MET: variants seen among roughly 807,000 people sequenced by gnomAD.
MET encodes the protein hepatocyte growth factor receptor.
A neutral mutation model predicts 133.1 loss-of-function variants in MET; 48 were observed. The ratio of observed to expected loss-of-function variants is 0.36; its 90% CI spans 0.29 to 0.46. The LOEUF (loss-of-function observed/expected upper bound fraction) is 0.46, where lower values mean the gene tolerates loss of function less well. MET is among the 20% of genes least tolerant of loss of function. MET has a pLI of 1.00. For synonymous variants in MET, 628 were observed against 616.5 expected, an observed-to-expected ratio of 1.02 and a Z score of -0.28; for missense variants, 1,442 against 1,695.9, an observed-to-expected ratio of 0.85 and a Z score of 2.63.
chr7:116,792,589 T>A (rs960314842), intron 19 of MET, among the ~76,000 whole-genome samples: 9 of 151,786 alleles, frequency 5.9e-5, no homozygotes, highest in African/African-American at 2.2e-4. Context: ...AGCCCCACAA[T>A]GCTTTCAGGG....
At chr7:116,776,582 A>T (rs1476793520) in intron 15 of MET, among the ~76,000 whole-genome samples, 3 of 152,224 alleles carry the variant, frequency 2.0e-5, no homozygotes, top group Non-Finnish European at 4.4e-5. Context: ...GAGCACTCAA[A>T]AGCATAAGTT....
chr7:116,694,169 A>G (rs1040616355), intron 1 of MET, among the ~76,000 whole-genome samples: 8 of 152,200 alleles, frequency 5.3e-5, no homozygotes, highest in African/African-American at 1.9e-4. Context: ...AACGTTTCCC[A>G]GAAAAGATCT....
intron 5 of MET, among the ~76,000 whole-genome samples, chr7:116,748,280 T>C (rs796839041): frequency 1.3e-5 from 2 of 152,162 alleles, no homozygotes; most frequent in South Asian, 4.2e-4. Context: ...AGAAGCTCAC[T>C]CAAAACCACA....
At chr7:116,718,307 G>A (rs754719339) in intron 2 of MET, among the ~76,000 whole-genome samples, 1 of 152,026 alleles carries the variant, frequency 6.6e-6, no homozygotes, top group Non-Finnish European at 1.5e-5. Context: ...GGAATTGCTT[G>A]AACCCAGGAG....
chr7:116,794,956 T>C (rs1461508181), intron 19 of MET, among the ~76,000 whole-genome samples: 1 of 152,208 alleles, frequency 6.6e-6, no homozygotes, highest in African/African-American at 2.4e-5. Flanking sequence ...TTTATCCCAG[T>C]GTGGACTCAG....
intron 1 of MET, among the ~76,000 whole-genome samples, chr7:116,674,426 A>T (rs936431047): frequency 6.3e-5 from 9 of 143,118 alleles, no homozygotes; most frequent in Admixed American, 2.0e-4. Context: ...TGAAATCTTT[A>T]AAAAAAAATT....
intron 2 of MET, among the ~76,000 whole-genome samples, chr7:116,730,907 T>A (rs1280404179): frequency 6.6e-6 from 1 of 152,136 alleles, no homozygotes; most frequent in African/African-American, 2.4e-5. Context: ...TTTGTTTTTA[T>A]TGCGTGGGAG....
chr7:116,797,171 AT>A lies in MET; in HGVS notation c.*1054del, dbSNP rs1584979865. On this transcript the variant is annotated 3_prime_UTR_variant, in exon 21 of 21. Coordinates refer to ENST00000397752, the MANE Select transcript of MET (RefSeq NM_000245.4). ...GTGAACATGTAGATGTTTTGTGTGT[AT>A]TTTTTTAAATGAAAACTCAAAATAA... 3 of 202,034 alleles carry A rather than the reference AT, an allele frequency of 1.5e-5. No individual in the cohort carries two copies. In the East Asian group the frequency reaches 2.3e-4, roughly 15 times the overall value. The allele number at this position is 202,034 out of a possible 1,614,324, so 12.5% of individuals were successfully genotyped here. A position where few individuals can be genotyped will look rare whatever the true frequency, so the allele number is the denominator to read the frequency against.
chr7:116,731,452 T>C (rs1320918996), intron 2 of MET, among the ~76,000 whole-genome samples: 7 of 152,160 alleles, frequency 4.6e-5, no homozygotes, highest in Non-Finnish European at 8.8e-5. Context: ...ATGGTGTGAA[T>C]TGCGATAGTA....
intron 6 of MET, 125 bp from the exon 7 acceptor site, chr7:116,757,312 G>T: frequency 1.3e-6 from 1 of 778,166 alleles, no homozygotes; most frequent in South Asian, 1.5e-5. Context: ...TGCTTATCTT[G>T]AAACTCTGCT....
intron 11 of MET, among the ~76,000 whole-genome samples, chr7:116,767,224 G>T (rs1311644064): frequency 5.3e-5 from 8 of 152,104 alleles, no homozygotes; most frequent in Admixed American, 5.2e-4. Flanking sequence ...CATCTGCTCG[G>T]TTCTGTAACC....
rs1794846913 is a variant in MET, at chr7:116,771,887, C to T, written c.2926C>T (p.His976Tyr). 6.2e-7 allele frequency: 1 copy of T among 1,613,850 alleles called. No individual in the cohort carries two copies. The highest frequency in any genetic ancestry group is 8.5e-7 in the Non-Finnish European group (1 of 1,179,860). ...SELVRYDARVHTPHLDRLVSA... is the reference protein window; with the variant it reads ...SELVRYDARVYTPHLDRLVSA... The stretch of plus-strand genomic sequence containing the variant: ...ATTAGTTCGCTACGATGCAAGAGTA[C>T]ACACTCCTCATTTGGATAGGCTTGT... The change falls in exon 14 of 21, where the codon CAC becomes TAC. Residue 976 changes from histidine to tyrosine, a missense_variant. Physicochemically the swap from His to Tyr is moderately conservative, Grantham distance 83. Around this residue, in one of 6 missense-constraint regions of MET, gnomAD observed 514 missense variants for 659.6 expected, o/e 0.78. Coordinates refer to ENST00000397752, the MANE Select transcript of MET (RefSeq NM_000245.4).
intron 1 of MET, among the ~76,000 whole-genome samples, chr7:116,686,375 CT>C (rs143159217): frequency 0.018 from 2,745 of 152,176 alleles, 76 homozygotes; most frequent in African/African-American, 0.062. Context: ...CAAAAGCCAC[CT>C]TCCCAATTTC....
In MET at chr7:116,796,715, A is replaced by G. The variant is rs1306743022; in HGVS notation, c.*591A>G. 4.8e-6 allele frequency: 1 copy of G among 206,444 alleles called. No homozygotes were observed. Among genetic ancestry groups the G allele is most frequent in the Non-Finnish European group, 1.0e-5 (1 of 100,500 alleles). 12.8% of individuals were successfully genotyped at this position (206,444 alleles called of 1,614,324 possible). ...CAGTGGTGTGATCATAGCTCACTGC[A>G]ACCTCCACCTCCCAGGCTCAAGCCT... On this transcript the variant is annotated 3_prime_UTR_variant, in exon 21 of 21. Coordinates refer to ENST00000397752, the MANE Select transcript of MET (RefSeq NM_000245.4).
At chr7:116,758,420 T>A in intron 8 of MET, 39 bp from the exon 9 acceptor site, 1 of 1,583,890 alleles carries the variant, frequency 6.3e-7, no homozygotes, top group South Asian at 1.1e-5. Flanking sequence ...TGTGTATCTC[T>A]AATAGCTAAA....
chr7:116,774,805 A>G (rs1486860429), intron 14 of MET, 76 bp from the exon 15 acceptor site: 1 of 1,116,802 alleles, frequency 9.0e-7, no homozygotes, highest in South Asian at 1.3e-5. Flanking sequence ...ATTCCATTAT[A>G]AAAGCTCTTC....
chr7:116,690,903 G>A (rs1796760709), intron 1 of MET, among the ~76,000 whole-genome samples: 1 of 152,166 alleles, frequency 6.6e-6, no homozygotes, highest in African/African-American at 2.4e-5. Context: ...TAAACAGTGA[G>A]TGTTTATAAA....
At chr7:116,769,566 T>C (rs1389977134) in intron 11 of MET, 79 bp from the exon 12 acceptor site, 3 of 1,553,174 alleles carry the variant, frequency 1.9e-6, no homozygotes, top group Non-Finnish European at 2.6e-6. Context: ...TTGCAGTATA[T>C]TTATATTCCT....
At chr7:116,693,683 A>G (rs1796856949) in intron 1 of MET, among the ~76,000 whole-genome samples, 1 of 152,172 alleles carries the variant, frequency 6.6e-6, no homozygotes, top group Non-Finnish European at 1.5e-5. Flanking sequence ...TTCTACATTG[A>G]GTTTAAACTA....
Sources: allele counts gnomAD v4.1 joint callset (sites outside exome capture counted in the v4.1 genomes callset), GRCh38; gene constraint gnomAD v4.1.1; regional missense constraint gnomAD v4.1.1; transcripts MANE v1.5; gene names NCBI Gene and HGNC (gene_info 2026-07-23, HGNC 2026-07-21).